Variants in CNTN4 observed in about 807,000 individuals in gnomAD.
CNTN4 encodes the protein contactin 4, also known as contactin-4.
In CNTN4, 77 loss-of-function variants were observed where a neutral mutation model predicts 122.5. The observed-to-expected ratio is 0.63, with a 90% CI of 0.52 to 0.76. The LOEUF (loss-of-function observed/expected upper bound fraction) is 0.76. Among genes scored for constraint, CNTN4 ranks in the 30% least tolerant of loss-of-function variants. The pLI is 0.00. For missense variants in CNTN4, 1,256 were observed against 1,259.1 expected, an observed-to-expected ratio of 1.00 and a Z score of 0.04; for synonymous variants, 512 against 447.0, an observed-to-expected ratio of 1.15 and a Z score of -1.83.
chr3:2,627,589 G>A (rs989817181), intron 4 of CNTN4, among the ~76,000 whole-genome samples: 3 of 151,280 alleles, frequency 2.0e-5, no homozygotes, highest in Non-Finnish European at 4.4e-5. Context: ...CGCCTCCTGG[G>A]TTCAGGCCAT....
intron 2 of CNTN4, among the ~76,000 whole-genome samples, chr3:2,271,219 C>A (rs2041281804): frequency 6.6e-6 from 1 of 151,978 alleles, no homozygotes; most frequent in African/African-American, 2.4e-5. Context: ...AACAGCAGAT[C>A]ATTTTGATGT....
intron 4 of CNTN4, among the ~76,000 whole-genome samples, chr3:2,613,571 T>A (rs1320801406): frequency 1.3e-5 from 2 of 152,222 alleles, no homozygotes; most frequent in African/African-American, 4.8e-5. Flanking sequence ...ATGGTATACA[T>A]AAGACCATGT....
At chr3:2,398,101 G>T (rs2046706264) in intron 3 of CNTN4, among the ~76,000 whole-genome samples, 1 of 152,028 alleles carries the variant, frequency 6.6e-6, no homozygotes, top group African/African-American at 2.4e-5. Context: ...AATATTAAAA[G>T]TCGAGACAGT....
chr3:2,144,427 A>G (rs2035147168), intron 2 of CNTN4, among the ~76,000 whole-genome samples: 2 of 152,222 alleles, frequency 1.3e-5, no homozygotes. Context: ...CGGGATTTTC[A>G]TAGAGTTTCT....
intron 4 of CNTN4, among the ~76,000 whole-genome samples, chr3:2,706,970 A>ATGTG (rs541975299): frequency 0.01 from 1,532 of 151,820 alleles, 17 homozygotes; most frequent in African/African-American, 0.03. Context: ...GCACTAGATT[A>ATGTG]TGTGTATGTG....
intron 6 of CNTN4, among the ~76,000 whole-genome samples, chr3:2,764,142 A>G (rs2090730386): frequency 6.6e-6 from 1 of 152,170 alleles, no homozygotes; most frequent in African/African-American, 2.4e-5. Flanking sequence ...GGGCAGATAA[A>G]CAAAGCCAGA....
intron 2 of CNTN4, among the ~76,000 whole-genome samples, chr3:2,188,502 T>C (rs2037377050): frequency 6.6e-6 from 1 of 152,092 alleles, no homozygotes; most frequent in South Asian, 2.1e-4. Flanking sequence ...TGGGCCTCAG[T>C]GGGTAAATAA....
intron 7 of CNTN4, among the ~76,000 whole-genome samples, chr3:2,836,742 TAATG>T (rs958454386): frequency 4.5e-5 from 6 of 132,592 alleles, no homozygotes; most frequent in African/African-American, 1.4e-4. Flanking sequence ...AATAAAAACA[TAATG>T]AAGAGTAAAA....
chr3:2,921,926 G>T (rs1435383685), intron 12 of CNTN4, among the ~76,000 whole-genome samples: 1 of 151,966 alleles, frequency 6.6e-6, no homozygotes, highest in African/African-American at 2.4e-5. Flanking sequence ...TTACATAGAG[G>T]GCTTCTCTCA....
intron 2 of CNTN4, among the ~76,000 whole-genome samples, chr3:2,125,494 T>G (rs2034087413): frequency 6.6e-6 from 1 of 152,124 alleles, no homozygotes; most frequent in African/African-American, 2.4e-5. Context: ...ATCTAAATCT[T>G]TGACATCTTG....
At position 2,709,954 on chromosome 3, in the gene CNTN4, C is replaced by A. The variant is rs1427233499; in HGVS notation, c.56-26261C>A. On this transcript the variant is annotated intron_variant, in intron 4 of 24. Transcript: ENST00000418658. The surrounding 1 kb of genome is among the most constrained non-coding windows in gnomAD (Gnocchi z 5.0). ...ATAAACTCCAAAGAGCATGTTTCCA[C>A]ACTTAATGCTTATTGCTGAAACCCT... is the stretch of plus-strand genomic sequence containing the variant. Among the ~76,000 whole-genome samples, 3 of 152,100 alleles carry A rather than the reference C, an allele frequency of 2.0e-5. No homozygotes were observed. The highest frequency in any genetic ancestry group is 4.4e-5 in the Non-Finnish European group (3 of 68,024).
At chr3:2,799,991 T>C (rs1047728316) in intron 6 of CNTN4, among the ~76,000 whole-genome samples, 4 of 152,086 alleles carry the variant, frequency 2.6e-5, no homozygotes, top group African/African-American at 9.7e-5. Context: ...TCTTGATCTA[T>C]GTGTCTATTT....
At chr3:2,105,008 G>A (rs4459884) in intron 2 of CNTN4, among the ~76,000 whole-genome samples, 31,110 of 152,088 alleles carry the variant, frequency 0.2, 3,438 homozygotes, top group East Asian at 0.44. Flanking sequence ...GTCGGGAAGA[G>A]CATTGACTTT....
At chr3:2,916,064 T>C (rs1348284363) in intron 12 of CNTN4, among the ~76,000 whole-genome samples, 1 of 152,142 alleles carries the variant, frequency 6.6e-6, no homozygotes, top group Admixed American at 6.5e-5. Flanking sequence ...GGTATCAACA[T>C]TTAGTGTTGC....
chr3:2,348,288 G>C (rs2044480719), intron 3 of CNTN4, among the ~76,000 whole-genome samples: 1 of 152,202 alleles, frequency 6.6e-6, no homozygotes, highest in Non-Finnish European at 1.5e-5. Flanking sequence ...GTCATATTGA[G>C]TCCAAAGACA....
chr3:2,348,107 G>A (rs1345765426), intron 3 of CNTN4, among the ~76,000 whole-genome samples: 1 of 152,138 alleles, frequency 6.6e-6, no homozygotes. Context: ...TGTGAACTCT[G>A]TGTTGTGACA....
intron 4 of CNTN4, among the ~76,000 whole-genome samples, chr3:2,712,604 A>G (rs1256953221): frequency 2.0e-5 from 3 of 152,198 alleles, no homozygotes; most frequent in Non-Finnish European, 1.5e-5. Context: ...TCTTCATGCC[A>G]TGTCCTGGCA....
At chr3:2,339,306 A>T (rs2044089103) in intron 3 of CNTN4, 73 bp downstream of exon 3, 1 of 152,154 alleles carries the variant, frequency 6.6e-6, no homozygotes, top group South Asian at 2.1e-4. Flanking sequence ...TTCTATGGAA[A>T]CATTGAAAAC....
chr3:2,241,364 TA>T (rs1334101654), intron 2 of CNTN4, among the ~76,000 whole-genome samples: 2 of 152,140 alleles, frequency 1.3e-5, no homozygotes, highest in Non-Finnish European at 2.9e-5. Context: ...TTCCCACGAT[TA>T]TTTCTCCGCT....
Sources: allele counts gnomAD v4.1 joint callset (sites outside exome capture counted in the v4.1 genomes callset), GRCh38; gene constraint gnomAD v4.1.1; non-coding constraint Gnocchi (gnomAD v3.1); transcripts MANE v1.5; gene names NCBI Gene and HGNC (gene_info 2026-07-23, HGNC 2026-07-21).